Variants in LMBRD1 observed in about 807,000 individuals in gnomAD.
LMBRD1 encodes the protein lysosomal cobalamin transport escort protein LMBD1.
Under a neutral mutation model 74.8 loss-of-function variants are expected in LMBRD1, and 64 were observed. That is an observed-to-expected ratio of 0.86 (90% CI 0.70 to 1.05). The LOEUF (loss-of-function observed/expected upper bound fraction) is 1.05. Among genes scored for constraint, LMBRD1 ranks in the 50% least tolerant of loss-of-function variants. The pLI, the probability that LMBRD1 is intolerant of heterozygous loss-of-function variation, is 0.00. For synonymous variants in LMBRD1, 204 were observed against 216.3 expected (o/e 0.94, Z 0.50); for missense variants, 652 against 645.9 (o/e 1.01, Z -0.10).
chr6:69,699,466 G>C (rs1766080929), intron 12 of LMBRD1, among the ~76,000 whole-genome samples: 1 of 151,714 alleles, frequency 6.6e-6, no homozygotes, highest in African/African-American at 2.4e-5. Context: ...CTAAAGATTA[G>C]AAGTATGAAT....
intron 7 of LMBRD1, among the ~76,000 whole-genome samples, chr6:69,732,045 C>A (rs1766870030): frequency 6.6e-6 from 1 of 152,056 alleles, no homozygotes; most frequent in South Asian, 2.1e-4. Flanking sequence ...AGTAACGGTG[C>A]ACCTTACAAT....
intron 2 of LMBRD1, 95 bp from the exon 3 acceptor site, chr6:69,780,649 A>T (rs986703134): frequency 3.4e-6 from 3 of 884,200 alleles, no homozygotes; most frequent in Non-Finnish European, 3.7e-6. Flanking sequence ...TCACTTCCAA[A>T]ATCTATCCAC....
chr6:69,725,642 G>C (rs1380931125), intron 7 of LMBRD1, among the ~76,000 whole-genome samples: 9 of 152,028 alleles, frequency 5.9e-5, no homozygotes, highest in Admixed American at 5.2e-4. Context: ...GGAAAAGACG[G>C]CTTCTTCAAT....
In LMBRD1 at chr6:69,749,400, T is replaced by C. The variant is rs757074437; in HGVS notation, c.414A>G (p.Lys138=). 2 of 1,612,502 alleles carry C rather than the reference T, an allele frequency of 1.2e-6. No individual in the cohort carries two copies. Among genetic ancestry groups the C allele is most frequent in the South Asian group, 2.2e-5 (2 of 91,008 alleles). Reference sequence around the variant, plus strand: ...ATCCCAAAGTATACTTGAGTGCCGTTTTAATTTGCTAGATGCCAAGGAGAA... The same window carrying C: ...ATCCCAAAGTATACTTGAGTGCCGTCTTAATTTGCTAGATGCCAAGGAGAA... ...DDDTSKCTQI[K]TALKYTLGFV... Residue 138 remains lysine (K), a synonymous_variant, in exon 5 of 16, where the codon AAA becomes AAG. Coordinates refer to ENST00000649934, the MANE Select transcript of LMBRD1 (RefSeq NM_018368.4).
chr6:69,737,840 C>T lies in LMBRD1; in HGVS notation c.636+102G>A, dbSNP rs955078601. On this transcript the variant is annotated intron_variant, in intron 7 of 15. Transcript: ENST00000649934. Reference sequence around the variant, plus strand: ...AACTGAAGAAAAATTGAAAAAGAATCAAAATATTATAAAGGAAAACAGAAT... The same window carrying T: ...AACTGAAGAAAAATTGAAAAAGAATTAAAATATTATAAAGGAAAACAGAAT... 6.0e-6 allele frequency: 5 copies of T among 837,274 alleles called. No individual in the cohort carries two copies. The East Asian group carries it at 1.1e-4, about 18-fold the overall frequency. The allele number at this position is 837,274 out of a possible 1,614,324, so 51.9% of individuals were successfully genotyped here. A position where few individuals can be genotyped will look rare whatever the true frequency, so the allele number is the denominator to read the frequency against.
At chr6:69,745,434 AT>A (rs1767203465) in intron 5 of LMBRD1, among the ~76,000 whole-genome samples, 1 of 148,500 alleles carries the variant, frequency 6.7e-6, no homozygotes, top group South Asian at 2.2e-4. Flanking sequence ...AATTTTTTGT[AT>A]TTTTAGTAGA....
intron 9 of LMBRD1, among the ~76,000 whole-genome samples, chr6:69,703,990 ATTATAT>A (rs1020693188): frequency 1.3e-5 from 2 of 152,058 alleles, no homozygotes; most frequent in African/African-American, 4.8e-5. Flanking sequence ...TTTTCTCATG[ATTATAT>A]TTAGATTATG....
chr6:69,688,595 A>G (rs1354070316), intron 14 of LMBRD1, among the ~76,000 whole-genome samples: 1 of 151,984 alleles, frequency 6.6e-6, no homozygotes, highest in Non-Finnish European at 1.5e-5. Context: ...TTAACTACCT[A>G]CCTACTCATA....
At chr6:69,721,325 T>G (rs1274220442) in intron 7 of LMBRD1, among the ~76,000 whole-genome samples, 1 of 152,138 alleles carries the variant, frequency 6.6e-6, no homozygotes, top group Non-Finnish European at 1.5e-5. Flanking sequence ...CAAAGGTGAC[T>G]CTTTCCTTTG....
chr6:69,735,265 C>T (rs1766950187), intron 7 of LMBRD1, among the ~76,000 whole-genome samples: 1 of 152,066 alleles, frequency 6.6e-6, no homozygotes, highest in Non-Finnish European at 1.5e-5. Context: ...TACACTAACT[C>T]CTACTGGCAC....
chr6:69,698,458 A>G (rs1002693215), intron 13 of LMBRD1, among the ~76,000 whole-genome samples: 1 of 151,990 alleles, frequency 6.6e-6, no homozygotes, highest in Non-Finnish European at 1.5e-5. Context: ...AAAAACGGAA[A>G]AAAACTAAAC....
At chr6:69,750,970 A>G (rs1765134473) in intron 4 of LMBRD1, among the ~76,000 whole-genome samples, 1 of 152,188 alleles carries the variant, frequency 6.6e-6, no homozygotes, top group Non-Finnish European at 1.5e-5. Context: ...CTGTATTTAA[A>G]TACAAATATA....
chr6:69,779,448 G>A (rs957494126), intron 3 of LMBRD1, among the ~76,000 whole-genome samples: 25 of 152,034 alleles, frequency 1.6e-4, no homozygotes, highest in African/African-American at 6.0e-4. Flanking sequence ...CTAATACTGA[G>A]AATGATGTTT....
chr6:69,751,690 CTT>C (rs1268771747), intron 4 of LMBRD1, among the ~76,000 whole-genome samples: 1 of 152,202 alleles, frequency 6.6e-6, no homozygotes, highest in African/African-American at 2.4e-5. Context: ...CTTCTTTATG[CTT>C]TTGAACAGGG....
chr6:69,712,985 C>T (rs1357324922), intron 9 of LMBRD1, among the ~76,000 whole-genome samples: 4 of 152,042 alleles, frequency 2.6e-5, no homozygotes, highest in Admixed American at 2.6e-4. Flanking sequence ...TTTAAACTCA[C>T]CAAATTGCAT....
Position 69,700,812 on chromosome 6 carries a change from A to C in LMBRD1, c.1141T>G (p.Ser381Ala). The C allele has an allele frequency of 6.6e-7, 1 of 1,515,544 alleles. No homozygotes were observed. The highest frequency in any genetic ancestry group is 1.2e-5 in the South Asian group (1 of 82,844). 93.9% of individuals were successfully genotyped at this position (1,515,544 alleles called of 1,614,324 possible). Residue 381 changes from serine (S) to alanine (A), a missense_variant, in exon 12 of 16, where the codon TCA becomes GCA. Ser to Ala is a moderately conservative substitution (Grantham distance 99). This residue lies in a region of LMBRD1 where 598 missense variants were observed against 581.8 expected (regional missense o/e 1.03). Transcript: ENST00000649934. ...CCAATATTTCGAATTCCTGCCATTG[A>C]AGTAAAAATAAAGTACATAATAATA... is the stretch of plus-strand genomic sequence containing the variant. ...TIIIMYFIFT[S>A]MAGIRNIGIW...
At chr6:69,747,010 G>A (rs1767249132) in intron 5 of LMBRD1, among the ~76,000 whole-genome samples, 1 of 147,108 alleles carries the variant, frequency 6.8e-6, no homozygotes, top group Non-Finnish European at 1.5e-5. Flanking sequence ...GACCTAGGGA[G>A]TACCACCTTT....
intron 2 of LMBRD1, 136 bp from the exon 3 acceptor site, chr6:69,780,690 G>A: frequency 1.5e-6 from 1 of 689,508 alleles, no homozygotes. Flanking sequence ...TCTTCAATAA[G>A]TGAGAGACAG....
chr6:69,690,475 T>C (rs966198552), intron 14 of LMBRD1, among the ~76,000 whole-genome samples: 1 of 152,200 alleles, frequency 6.6e-6, no homozygotes, highest in African/African-American at 2.4e-5. Context: ...TCCTGAATGC[T>C]GTTCAGTAAG....
Sources: allele counts gnomAD v4.1 joint callset (sites outside exome capture counted in the v4.1 genomes callset), GRCh38; gene constraint gnomAD v4.1.1; regional missense constraint gnomAD v4.1.1; transcripts MANE v1.5; gene names NCBI Gene and HGNC (gene_info 2026-07-23, HGNC 2026-07-21).